PCDH11X: variants seen among roughly 807,000 people sequenced by gnomAD.
PCDH11X encodes protocadherin-11 X-linked.
A neutral mutation model predicts 53.3 loss-of-function variants in PCDH11X; 18 were observed. The ratio of observed to expected loss-of-function variants is 0.34; its 90% CI spans 0.23 to 0.50. The LOEUF is 0.50. PCDH11X is among the 20% of genes least tolerant of loss of function. PCDH11X has a pLI of 0.98. For missense variants in PCDH11X, 570 were observed against 1,032.4 expected (o/e 0.55, Z 6.14); for synonymous variants, 279 against 393.3 (o/e 0.71, Z 3.44).
At chrX:92,253,647 T>A (rs996916784) in intron 7 of PCDH11X, among the ~76,000 whole-genome samples, 2 of 111,843 alleles carry the variant, frequency 1.8e-5, no homozygotes, top group Non-Finnish European at 3.8e-5. Context: ...ATTATGGAGA[T>A]CTTTCACTTC....
chrX:91,819,655 TA>T (rs1238041638), intron 4 of PCDH11X, among the ~76,000 whole-genome samples: 21 of 107,875 alleles, frequency 1.9e-4, no homozygotes, highest in Middle Eastern at 4.8e-3. Flanking sequence ...TTCTTTTTTT[TA>T]TTTTTATTTT....
At chrX:92,154,430 T>C (rs1247525571) in intron 6 of PCDH11X, among the ~76,000 whole-genome samples, 2 of 108,629 alleles carry the variant, frequency 1.8e-5, no homozygotes, top group African/African-American at 3.5e-5. Context: ...CACATTATTA[T>C]TGATACGGAA....
intron 9 of PCDH11X, among the ~76,000 whole-genome samples, chrX:92,411,972 A>G (rs1410325291): frequency 2.0e-4 from 5 of 25,317 alleles, no homozygotes; most frequent in Non-Finnish European, 2.3e-4. Flanking sequence ...AGGAGGAGGG[A>G]AGAAGAAGAA....
At chrX:92,111,748 T>TTTCA (rs1205056625) in intron 6 of PCDH11X, among the ~76,000 whole-genome samples, 1 of 106,595 alleles carries the variant, frequency 9.4e-6, no homozygotes, top group African/African-American at 3.7e-5. Context: ...AATTCTCATT[T>TTTCA]TTCATTTATT....
At chrX:92,561,795 G>A (rs1280027017) in intron 10 of PCDH11X, among the ~76,000 whole-genome samples, 18 of 106,353 alleles carry the variant, frequency 1.7e-4, no homozygotes, top group Non-Finnish European at 2.9e-4. Flanking sequence ...CAGCATTCAA[G>A]TATAAGAAGG....
intron 10 of PCDH11X, among the ~76,000 whole-genome samples, chrX:92,537,479 A>G (rs2074680975): frequency 9.0e-6 from 1 of 110,812 alleles, no homozygotes; most frequent in Admixed American, 9.7e-5. Context: ...CAAAATACCA[A>G]TGATATTTTT....
chrX:92,355,138 A>T (rs1446312425), intron 8 of PCDH11X, among the ~76,000 whole-genome samples: 1 of 107,440 alleles, frequency 9.3e-6, no homozygotes, highest in African/African-American at 3.4e-5. Flanking sequence ...CATTAAAAGA[A>T]ATTATTAGGC....
intron 8 of PCDH11X, among the ~76,000 whole-genome samples, chrX:92,370,766 A>G (rs1229557497): frequency 6.3e-5 from 7 of 111,832 alleles, no homozygotes; most frequent in Admixed American, 1.9e-4. Flanking sequence ...CCAAAGATCT[A>G]TATTTTCTTA....
chrX:92,155,645 G>C (rs1339911831), intron 6 of PCDH11X, among the ~76,000 whole-genome samples: 1 of 70,445 alleles, frequency 1.4e-5, no homozygotes, highest in Non-Finnish European at 2.3e-5. Context: ...TTTTTTTCCT[G>C]AGACAGAGTC....
intron 6 of PCDH11X, among the ~76,000 whole-genome samples, chrX:91,991,418 G>A (rs1265390061): frequency 1.1e-5 from 1 of 87,247 alleles, no homozygotes; most frequent in Non-Finnish European, 2.2e-5. Context: ...CCCAGTCTGG[G>A]ATACATAAGG....
At chrX:92,071,576 G>C (rs1265637146) in intron 6 of PCDH11X, among the ~76,000 whole-genome samples, 2 of 110,537 alleles carry the variant, frequency 1.8e-5, no homozygotes, top group Non-Finnish European at 3.8e-5. Flanking sequence ...AGTTTTCAGT[G>C]TCTGGGCTTG....
Position 92,267,309 on chromosome X carries a change from T to C in PCDH11X, c.3144+4166T>C, listed in dbSNP as rs777153992. The stretch of plus-strand genomic sequence containing the variant: ...GTTCACTAAAGTGCTAAACTGAATA[T>C]GGCAGAAACAGAACTGACTGAGATT... On this transcript the variant is annotated intron_variant, in intron 8 of 10. Coordinates refer to ENST00000682573, the MANE Select transcript of PCDH11X (RefSeq NM_032968.5). 7.2e-4 allele frequency among the ~76,000 whole-genome samples: 81 copies of C among 112,250 alleles called. 1 individual carries two copies. Among genetic ancestry groups the C allele is most frequent in the Admixed American group, 1.9e-4 (2 of 10,560 alleles).
At chrX:92,613,114 A>G (rs964860806) in intron 10 of PCDH11X, among the ~76,000 whole-genome samples, 6 of 109,724 alleles carry the variant, frequency 5.5e-5, no homozygotes, top group African/African-American at 1.3e-4. Flanking sequence ...CAAGGTTAAT[A>G]TTGATATCTG....
At chrX:92,001,468 C>CTTT (rs1359416867) in intron 6 of PCDH11X, among the ~76,000 whole-genome samples, 5 of 75,315 alleles carry the variant, frequency 6.6e-5, no homozygotes, top group African/African-American at 2.4e-4. Context: ...CTTTTTTTTT[C>CTTT]TTTCTTTTTT....
intron 10 of PCDH11X, among the ~76,000 whole-genome samples, chrX:92,505,758 G>C (rs755708960): frequency 9.0e-6 from 1 of 110,956 alleles, no homozygotes; most frequent in East Asian, 2.8e-4. Flanking sequence ...TTAGTTGTTT[G>C]ATTGGAATAG....
At chrX:92,255,369 C>T (rs1237920889) in intron 7 of PCDH11X, among the ~76,000 whole-genome samples, 1 of 97,663 alleles carries the variant, frequency 1.0e-5, no homozygotes, top group Non-Finnish European at 2.1e-5. Context: ...CTTTCAACTT[C>T]TTTGCCTTTG....
At chrX:92,444,304 A>G (rs749700185) in intron 9 of PCDH11X, among the ~76,000 whole-genome samples, 1 of 108,187 alleles carries the variant, frequency 9.2e-6, no homozygotes, top group South Asian at 4.1e-4. Flanking sequence ...AAATGAGATG[A>G]CATTCTTGAT....
chrX:92,039,607 T>C (rs2476100), intron 6 of PCDH11X, among the ~76,000 whole-genome samples: 1 of 111,762 alleles, frequency 8.9e-6, no homozygotes. Context: ...TCACCCTTCA[T>C]GGAAGTGGGC....
intron 6 of PCDH11X, among the ~76,000 whole-genome samples, chrX:92,125,328 T>G (rs1213788688): frequency 8.9e-6 from 1 of 112,152 alleles, no homozygotes; most frequent in African/African-American, 3.2e-5. Flanking sequence ...TCTCAAAAAT[T>G]TGACATTGCC....
Sources: allele counts gnomAD v4.1 joint callset (sites outside exome capture counted in the v4.1 genomes callset), GRCh38; gene constraint gnomAD v4.1.1; transcripts MANE v1.5; gene names NCBI Gene and HGNC (gene_info 2026-07-23, HGNC 2026-07-21).